AGBL4: variants seen among roughly 807,000 people sequenced by gnomAD.
AGBL4 encodes the protein cytosolic carboxypeptidase 6.
A neutral mutation model predicts 66.4 loss-of-function variants in AGBL4; 58 were observed. The ratio of observed to expected loss-of-function variants is 0.87; its 90% CI spans 0.71 to 1.09. AGBL4 has a LOEUF of 1.09. Among genes scored for constraint, AGBL4 ranks in the 50% least tolerant of loss-of-function variants. The pLI is 0.00. For synonymous variants in AGBL4, 234 were observed against 222.9 expected, an observed-to-expected ratio of 1.05 and a Z score of -0.44; for missense variants, 579 against 631.0, an observed-to-expected ratio of 0.92 and a Z score of 0.88.
chr1:50,015,366 C>T (rs369055800), intron 1 of AGBL4, among the ~76,000 whole-genome samples: 1 of 152,320 alleles, frequency 6.6e-6, no homozygotes, highest in East Asian at 1.9e-4. Flanking sequence ...TTTTATAATA[C>T]ATCTGTGAAT....
intron 3 of AGBL4, among the ~76,000 whole-genome samples, chr1:49,324,805 C>G (rs1645196794): frequency 6.6e-6 from 1 of 152,172 alleles, no homozygotes; most frequent in African/African-American, 2.4e-5. Context: ...ACACTTCTAA[C>G]ATATTTGCCT....
At chr1:48,873,475 A>G (rs1317240058) in intron 5 of AGBL4, among the ~76,000 whole-genome samples, 2 of 151,994 alleles carry the variant, frequency 1.3e-5, no homozygotes, top group African/African-American at 4.8e-5. Flanking sequence ...GCACCATCAC[A>G]TTGTATTTCC....
intron 3 of AGBL4, among the ~76,000 whole-genome samples, chr1:49,286,532 A>G (rs1644414190): frequency 6.6e-6 from 1 of 152,176 alleles, no homozygotes; most frequent in Non-Finnish European, 1.5e-5. Flanking sequence ...TACAAAATCA[A>G]TGTACAAAAA....
chr1:49,147,409 G>C (rs1646239040), intron 4 of AGBL4, among the ~76,000 whole-genome samples: 1 of 152,118 alleles, frequency 6.6e-6, no homozygotes, highest in Admixed American at 6.5e-5. Flanking sequence ...CTGCATGTCA[G>C]CTTGAGAGAG....
chr1:49,455,415 T>C (rs1646367700), intron 3 of AGBL4, among the ~76,000 whole-genome samples: 1 of 151,814 alleles, frequency 6.6e-6, no homozygotes, highest in East Asian at 1.9e-4. Context: ...TATAGCACTA[T>C]AGAAATTAGT....
chr1:48,886,327 G>C (rs1283204467), intron 5 of AGBL4, among the ~76,000 whole-genome samples: 1 of 152,172 alleles, frequency 6.6e-6, no homozygotes, highest in Non-Finnish European at 1.5e-5. Context: ...TTGTATTAAG[G>C]ATGTTTTTGG....
intron 1 of AGBL4, among the ~76,000 whole-genome samples, chr1:49,928,239 T>TTTTTTA (rs1020434740): frequency 7.9e-5 from 12 of 152,060 alleles, no homozygotes; most frequent in East Asian, 1.9e-4. Flanking sequence ...ACCTTTTTTA[T>TTTTTTA]TTTTTATTTT....
intron 1 of AGBL4, among the ~76,000 whole-genome samples, chr1:49,884,080 T>C (rs1236641659): frequency 1.3e-5 from 2 of 151,940 alleles, no homozygotes; most frequent in African/African-American, 2.4e-5. Context: ...TTCAACCACA[T>C]AGTTGTTTCA....
intron 3 of AGBL4, among the ~76,000 whole-genome samples, chr1:49,667,718 G>A (rs1157717459): frequency 1.3e-5 from 2 of 151,992 alleles, no homozygotes; most frequent in South Asian, 2.1e-4. Context: ...AGTTGAACTA[G>A]AAGCAAAAAT....
chr1:49,745,568 C>T (rs1473466594), intron 2 of AGBL4, among the ~76,000 whole-genome samples: 1 of 151,874 alleles, frequency 6.6e-6, no homozygotes, highest in South Asian at 2.1e-4. Flanking sequence ...GAGAAGACCA[C>T]TCTATTAATA....
chr1:48,930,573 C>T (rs1402695360), intron 5 of AGBL4, among the ~76,000 whole-genome samples: 1 of 152,116 alleles, frequency 6.6e-6, no homozygotes, highest in Non-Finnish European at 1.5e-5. Context: ...AATAATAGCA[C>T]AAAATGACTT....
chr1:49,662,166 T>C (rs983876282), intron 3 of AGBL4, among the ~76,000 whole-genome samples: 22 of 151,286 alleles, frequency 1.5e-4, no homozygotes, highest in Admixed American at 1.1e-3. Context: ...CTAATGAATA[T>C]TTTCATTATC....
intron 4 of AGBL4, among the ~76,000 whole-genome samples, chr1:49,141,505 T>C (rs1251291235): frequency 6.6e-6 from 1 of 152,102 alleles, no homozygotes; most frequent in Non-Finnish European, 1.5e-5. Flanking sequence ...GGTGACACCC[T>C]TGTAAATTGT....
At chr1:49,775,805 A>G (rs1169251582) in intron 2 of AGBL4, among the ~76,000 whole-genome samples, 2 of 152,112 alleles carry the variant, frequency 1.3e-5, no homozygotes, top group Non-Finnish European at 2.9e-5. Context: ...AATAACCTAT[A>G]ATAATATACA....
chr1:48,843,400 T>G (rs990498768), intron 6 of AGBL4, among the ~76,000 whole-genome samples: 1 of 152,138 alleles, frequency 6.6e-6, no homozygotes, highest in Non-Finnish European at 1.5e-5. Flanking sequence ...GTTTTAAAAT[T>G]AAGTTCAAAA....
intron 1 of AGBL4, among the ~76,000 whole-genome samples, chr1:49,901,783 A>C (rs1032864437): frequency 2.6e-5 from 4 of 152,196 alleles, no homozygotes; most frequent in South Asian, 2.1e-4. Context: ...ATCCAACTTC[A>C]AACTATATTT....
chr1:48,787,072 A>G (rs1645426956), intron 6 of AGBL4, among the ~76,000 whole-genome samples: 1 of 152,182 alleles, frequency 6.6e-6, no homozygotes, highest in Non-Finnish European at 1.5e-5. Flanking sequence ...GAAACAAGGC[A>G]TAGGGATGTT....
At chr1:49,019,029 C>T (rs1663038817) in intron 5 of AGBL4, among the ~76,000 whole-genome samples, 1 of 152,100 alleles carries the variant, frequency 6.6e-6, no homozygotes, top group South Asian at 2.1e-4. Context: ...TAGGTATGTA[C>T]ATTCGAGAAG....
chr1:49,378,755 T>G (rs965049751), intron 3 of AGBL4, among the ~76,000 whole-genome samples: 1 of 152,090 alleles, frequency 6.6e-6, no homozygotes, highest in African/African-American at 2.4e-5. Flanking sequence ...TCAGAGAAAG[T>G]TTCAGCCAGG....
Sources: allele counts gnomAD v4.1 joint callset (sites outside exome capture counted in the v4.1 genomes callset), GRCh38; gene constraint gnomAD v4.1.1; transcripts MANE v1.5; gene names NCBI Gene and HGNC (gene_info 2026-07-23, HGNC 2026-07-21).